Variants in DCAF13 observed in about 807,000 individuals in gnomAD.
DCAF13 encodes the protein DDB1- and CUL4-associated factor 13.
DCAF13 carries 38 observed loss-of-function variants against 59.0 expected under a neutral mutation model. The observed-to-expected ratio is 0.64, with a 90% CI of 0.50 to 0.84. The LOEUF (loss-of-function observed/expected upper bound fraction) is 0.84, where lower values mean the gene tolerates loss of function less well. Among genes scored for constraint, DCAF13 ranks in the 40% least tolerant of loss-of-function variants. The pLI, the probability that DCAF13 is intolerant of heterozygous loss-of-function variation, is 0.00. For missense variants in DCAF13, 469 were observed against 558.4 expected (o/e 0.84, Z 1.61); for synonymous variants, 173 against 175.0 (o/e 0.99, Z 0.09).
chr8:103,420,837 T>A (rs1338566877), intron 2 of DCAF13, 138 bp from the exon 3 acceptor site: 3 of 626,672 alleles, frequency 4.8e-6, no homozygotes, highest in Non-Finnish European at 8.5e-6. Flanking sequence ...CTTATCCATA[T>A]GCATTGCATT....
intron 6 of DCAF13, among the ~76,000 whole-genome samples, chr8:103,432,285 A>G (rs1453664042): frequency 6.6e-6 from 1 of 152,194 alleles, no homozygotes; most frequent in African/African-American, 2.4e-5. Flanking sequence ...GATCCTTCAC[A>G]GGTCAGTTCA....
chr8:103,428,718 A>C (rs750126173), intron 5 of DCAF13: 4 of 151,892 alleles, frequency 2.6e-5, no homozygotes, highest in Non-Finnish European at 5.9e-5. Context: ...TAAAAAAAAA[A>C]CACAAAAAAA....
intron 3 of DCAF13, among the ~76,000 whole-genome samples, chr8:103,423,406 C>G (rs1051198423): frequency 1.3e-5 from 2 of 152,060 alleles, no homozygotes; most frequent in African/African-American, 2.4e-5. Context: ...TCACTTGCAG[C>G]ATACATGAAT....
At chr8:103,428,016 A>G (rs1321635217) in intron 5 of DCAF13, 3 of 152,240 alleles carry the variant, frequency 2.0e-5, no homozygotes, top group Non-Finnish European at 4.4e-5. Flanking sequence ...TTTAGCAGTT[A>G]TTGCGAGGCT....
At chr8:103,430,483 G>T (rs1410137362) in intron 5 of DCAF13, 129 bp from the exon 6 acceptor site, 2 of 578,670 alleles carry the variant, frequency 3.5e-6, no homozygotes, top group African/African-American at 3.8e-5. Context: ...ATGATTTATT[G>T]TACCCTCTTA....
intron 2 of DCAF13, 142 bp downstream of exon 2, chr8:103,420,605 T>TAAAC: frequency 1.3e-6 from 1 of 794,222 alleles, no homozygotes; most frequent in Non-Finnish European, 2.0e-6. Context: ...GAATACTGTT[T>TAAAC]AGTATTTTCT....
At chr8:103,424,432 T>A (rs1816763288) in intron 3 of DCAF13, among the ~76,000 whole-genome samples, 1 of 152,254 alleles carries the variant, frequency 6.6e-6, no homozygotes, top group South Asian at 2.1e-4. Context: ...TAGTACACAG[T>A]GTTGCAAAAC....
intron 3 of DCAF13, among the ~76,000 whole-genome samples, chr8:103,423,958 A>C (rs1816755723): frequency 1.3e-5 from 2 of 151,822 alleles, no homozygotes; most frequent in African/African-American, 4.8e-5. Flanking sequence ...AGCCTCCCAA[A>C]AAGTGTTGGG....
In DCAF13 at chr8:103,443,215, CTTATG is replaced by C. The variant is rs1817033337; in HGVS notation, c.*338_*342del. Reference sequence around the variant, plus strand: ...AATTGACATTTAAGACCAAACATCTCTTATGTTATCTTTAATATTACTTTGAATAA... The same window carrying C: ...AATTGACATTTAAGACCAAACATCTCTTATCTTTAATATTACTTTGAATAA... On this transcript the variant is annotated 3_prime_UTR_variant, in exon 11 of 11. Transcript: ENST00000612750. 1 of 165,062 alleles carries C rather than the reference CTTATG, an allele frequency of 6.1e-6. No homozygotes were observed. The highest frequency in any genetic ancestry group is 2.0e-4 in the South Asian group (1 of 4,982). The allele number at this position is 165,062 out of a possible 1,614,324, so 10.2% of individuals were successfully genotyped here.
In DCAF13 at chr8:103,421,042, G is replaced by A. The variant is rs536797299; in HGVS notation, c.338G>A (p.Arg113Gln). Residue 113 changes from arginine (R) to glutamine (Q), a missense_variant, in exon 3 of 11, where the codon CGA becomes CAA. Coordinates refer to ENST00000612750, the MANE Select transcript of DCAF13 (RefSeq NM_015420.7). ...ATACAAGCACATGAAGGCTTTGTAC[G>A]AGGAATATGTACTCGCTTTTGTGGG... is the stretch of plus-strand genomic sequence containing the variant. ...RTIQAHEGFVRGICTRFCGTS... is the reference protein window; with the variant it reads ...RTIQAHEGFVQGICTRFCGTS... 8.1e-6 allele frequency: 13 copies of A among 1,613,574 alleles called. No homozygotes were observed. Among genetic ancestry groups the A allele is most frequent in the East Asian group, 2.2e-5 (1 of 44,830 alleles).
At chr8:103,416,748 G>A (rs984035874) in intron 1 of DCAF13, among the ~76,000 whole-genome samples, 4 of 152,210 alleles carry the variant, frequency 2.6e-5, no homozygotes, top group African/African-American at 7.2e-5. Context: ...TCATGTTCGT[G>A]TATGCACTGT....
At chr8:103,432,628 G>A in intron 6 of DCAF13, 31 bp from the exon 7 acceptor site, 1 of 1,367,662 alleles carries the variant, frequency 7.3e-7, no homozygotes, top group Admixed American at 1.8e-5. Flanking sequence ...AGGAAAGGAA[G>A]TGGGAAATTC....
chr8:103,435,525 C>T (rs999874586), intron 7 of DCAF13, 101 bp from the exon 8 acceptor site: 5 of 968,974 alleles, frequency 5.2e-6, no homozygotes, highest in Non-Finnish European at 7.4e-6. Context: ...TTTAGATGTG[C>T]ATTGTTTTGC....
intron 5 of DCAF13, chr8:103,428,889 G>A (rs1029827584): frequency 1.3e-5 from 2 of 150,378 alleles, no homozygotes; most frequent in African/African-American, 4.9e-5. Context: ...CTGTATAGCA[G>A]CTGTATTTGT....
intron 5 of DCAF13, chr8:103,428,529 T>C (rs1250668737): frequency 6.6e-6 from 1 of 152,236 alleles, no homozygotes; most frequent in Non-Finnish European, 1.5e-5. Flanking sequence ...GTCTCTATTA[T>C]ATCTTTCTCA....
At chr8:103,426,031 A>G (rs915884171) in intron 3 of DCAF13, 25 bp from the exon 4 acceptor site, 27 of 1,531,012 alleles carry the variant, frequency 1.8e-5, no homozygotes, top group African/African-American at 2.7e-5. Flanking sequence ...CCTTACCATC[A>G]TCATAATAAA....
Position 103,427,261 on chromosome 8 carries a change from T to C in DCAF13, c.624+9T>C. 1 of 1,605,944 alleles carries C rather than the reference T, an allele frequency of 6.2e-7. No individual in the cohort carries two copies. Among genetic ancestry groups the C allele is most frequent in the Non-Finnish European group, 8.5e-7 (1 of 1,174,876 alleles). ...AATTTAACCCAATTGAGGTAATGTT[T>C]TTTTTTAAGTATGTTTTACTTATTA... On this transcript the variant is annotated intron_variant, in intron 5 of 10. Transcript: ENST00000612750.
intron 1 of DCAF13, 67 bp downstream of exon 1, chr8:103,415,583 C>G: frequency 6.8e-7 from 1 of 1,470,898 alleles, no homozygotes; most frequent in Admixed American, 2.1e-5. Context: ...TCGGCTTTCG[C>G]GGAGTAAAGC....
chr8:103,439,357 TA>T (rs2130497122), intron 8 of DCAF13: 2 of 149,104 alleles, frequency 1.3e-5, no homozygotes, highest in South Asian at 4.2e-4. Context: ...TTCACACATG[TA>T]AATCATCAAC....
Sources: gnomAD v4.1 joint callset for allele counts (sites outside exome capture counted in the v4.1 genomes callset) on GRCh38, gnomAD v4.1.1 for gene constraint, MANE v1.5 for transcripts, NCBI Gene and HGNC (gene_info 2026-07-23, HGNC 2026-07-21) for gene names.